The following RIC1 variants were observed in gnomAD, a reference collection of about 807,000 sequenced individuals.
RIC1 encodes the protein RIC1 partner of RAB6A GEF complex, also known as guanine nucleotide exchange factor subunit RIC1.
Under a neutral mutation model 169.0 loss-of-function variants are expected in RIC1, and 88 were observed. That is an observed-to-expected ratio of 0.52 (90% CI 0.44 to 0.62). The LOEUF is 0.62. Ranked by LOEUF, RIC1 falls within the 20% of genes least tolerant of loss-of-function variation. The pLI, the probability that RIC1 is intolerant of heterozygous loss-of-function variation, is 0.00. For missense variants in RIC1, 1,877 were observed against 1,725.5 expected, an observed-to-expected ratio of 1.09 and a Z score of -1.56; for synonymous variants, 790 against 601.5, an observed-to-expected ratio of 1.31 and a Z score of -4.59.
intron 2 of RIC1, among the ~76,000 whole-genome samples, chr9:5,664,885 C>G (rs1408163428): frequency 6.6e-6 from 1 of 152,156 alleles, no homozygotes; most frequent in Non-Finnish European, 1.5e-5. Context: ...ATTCTTTTCT[C>G]CACTTGGTCT....
intron 6 of RIC1, among the ~76,000 whole-genome samples, chr9:5,722,205 C>CT (rs77698349): frequency 7.9e-4 from 99 of 124,758 alleles, no homozygotes; most frequent in Middle Eastern, 4.6e-3. Flanking sequence ...TCTTCTTCTT[C>CT]TTTTTTTTTT....
chr9:5,743,419 C>G (rs1485035294), intron 9 of RIC1, among the ~76,000 whole-genome samples: 1 of 152,150 alleles, frequency 6.6e-6, no homozygotes, highest in African/African-American at 2.4e-5. Context: ...CTGCCCACTT[C>G]ATATACTACC....
intron 1 of RIC1, among the ~76,000 whole-genome samples, chr9:5,632,919 C>T (rs773522763): frequency 1.3e-5 from 2 of 152,252 alleles, no homozygotes; most frequent in South Asian, 2.1e-4. Flanking sequence ...TTTCAGGTCA[C>T]CGACTTTAAA....
In RIC1 at chr9:5,720,314, G is replaced by C. The variant is rs749389851; in HGVS notation, c.573G>C (p.Gln191His). Residue 191 changes from glutamine to histidine, a missense_variant, in exon 5 of 26, where the codon CAG (glutamine) becomes CAC (histidine). Gln to His is a conservative substitution (Grantham distance 24, BLOSUM62 0). Transcript: ENST00000414202. ...LCTVPFSVDL[Q>H]SSRVGSFLGF... Reference sequence around the variant, plus strand: ...CAGTACCCTTTTCAGTAGACCTGCAGTCATCTAGAGGTAGCTATACTTTCT... The same window carrying C: ...CAGTACCCTTTTCAGTAGACCTGCACTCATCTAGAGGTAGCTATACTTTCT... The C allele has an allele frequency of 1.5e-5, 24 of 1,612,502 alleles. No homozygotes were observed. The African/African-American group carries it at 2.8e-4, about 19-fold the overall frequency.
Position 5,774,136 on chromosome 9 carries a change from C to T in RIC1, c.4162C>T (p.Gln1388Ter). 1 of 1,614,034 alleles carries T rather than the reference C, an allele frequency of 6.2e-7. No individual in the cohort carries two copies. The highest frequency in any genetic ancestry group is 8.5e-7 in the Non-Finnish European group (1 of 1,179,978). ...RGSSSHGSIP[Q>*]GEVGSSNMVS... ...CTCCTCCAGCCATGGAAGCATCCCC[C>T]AGGGTGAAGTTGGAAGCAGCAATAT... The change falls in exon 26 of 26, where the codon CAG (glutamine) becomes TAG (stop). Residue 1388 changes from glutamine to a stop codon, truncating the protein, a stop_gained. Coordinates refer to ENST00000414202, the MANE Select transcript of RIC1 (RefSeq NM_020829.4). LOFTEE classifies it high-confidence loss of function.
chr9:5,677,714 A>G (rs1820536165), intron 2 of RIC1, among the ~76,000 whole-genome samples: 1 of 152,098 alleles, frequency 6.6e-6, no homozygotes, highest in African/African-American at 2.4e-5. Context: ...TAAACATTAA[A>G]ACACAGGAAA....
intron 5 of RIC1, 108 bp downstream of exon 5, chr9:5,720,432 A>AC: frequency 8.1e-7 from 1 of 1,231,968 alleles, no homozygotes; most frequent in Non-Finnish European, 1.1e-6. Flanking sequence ...GCAAGGGGAG[A>AC]GGTGGGCAGA....
At chr9:5,650,358 C>T (rs142021124) in intron 1 of RIC1, among the ~76,000 whole-genome samples, 2,050 of 152,112 alleles carry the variant, frequency 0.013, 56 homozygotes, top group African/African-American at 0.047. Flanking sequence ...TCTCTATGCT[C>T]CAATCTCTAT....
intron 12 of RIC1, among the ~76,000 whole-genome samples, chr9:5,750,712 T>A (rs904037283): frequency 6.6e-6 from 1 of 151,840 alleles, no homozygotes; most frequent in Admixed American, 6.5e-5. Flanking sequence ...AGCACTCAGT[T>A]TTCCAGTGAT....
rs1368282232 is a variant in RIC1, at chr9:5,765,452, C to T, written c.2880C>T (p.Thr960=). 3 of 1,613,866 alleles carry T rather than the reference C, an allele frequency of 1.9e-6. No individual in the cohort carries two copies. The highest frequency in any genetic ancestry group is 1.7e-6 in the Non-Finnish European group (2 of 1,179,936). ...EVPAVSRQHA[T]LLFNTALEQG... ...CTGCAGTAAGTAGGCAACATGCTAC[C>T]CTTCTATTCAACACAGCACTAGAAC... The change falls in exon 20 of 26, where the codon ACC becomes ACT. Residue 960 remains threonine, a synonymous_variant. Transcript: ENST00000414202.
intron 1 of RIC1, among the ~76,000 whole-genome samples, chr9:5,635,246 C>T (rs1397958924): frequency 6.6e-6 from 1 of 152,166 alleles, no homozygotes; most frequent in African/African-American, 2.4e-5. Context: ...TCCTAAAGTG[C>T]TAGGATTACA....
At chr9:5,748,663 C>T (rs1349200426) in intron 12 of RIC1, 1 of 152,584 alleles carries the variant, frequency 6.6e-6, no homozygotes, top group Non-Finnish European at 1.5e-5. Flanking sequence ...CCAGTTCTGC[C>T]TAGCCAGGTC....
At chr9:5,629,694 C>G (rs1817624046) in intron 1 of RIC1, among the ~76,000 whole-genome samples, 1 of 151,976 alleles carries the variant, frequency 6.6e-6, no homozygotes, top group Non-Finnish European at 1.5e-5. Context: ...TGAGCCTCCC[C>G]GCGTTGGACC....
At chr9:5,727,732 C>T (rs894938858) in intron 6 of RIC1, among the ~76,000 whole-genome samples, 4 of 152,166 alleles carry the variant, frequency 2.6e-5, no homozygotes, top group African/African-American at 9.7e-5. Flanking sequence ...GTGTGGATGT[C>T]CTTTCTGTTT....
chr9:5,767,751 C>G (rs1826891327), intron 21 of RIC1, among the ~76,000 whole-genome samples: 1 of 152,090 alleles, frequency 6.6e-6, no homozygotes, highest in Non-Finnish European at 1.5e-5. Context: ...CCACGCCTGG[C>G]TCATTTTGTA....
intron 2 of RIC1, among the ~76,000 whole-genome samples, chr9:5,687,714 C>G (rs998623411): frequency 6.6e-6 from 1 of 151,988 alleles, no homozygotes; most frequent in Non-Finnish European, 1.5e-5. Context: ...CGGTATAAAC[C>G]CCAGCATACA....
intron 1 of RIC1, 121 bp downstream of exon 1, chr9:5,629,574 CG>C: frequency 9.1e-7 from 1 of 1,093,354 alleles, no homozygotes; most frequent in East Asian, 3.2e-5. Flanking sequence ...CACCTGCCTT[CG>C]CAGTCCGCGT....
At position 5,768,956 on chromosome 9, in the gene RIC1, G is replaced by C. The variant is rs1376663693; in HGVS notation, c.3138-14G>C. On this transcript the variant is annotated splice_polypyrimidine_tract_variant and intron_variant, in intron 21 of 25. Coordinates refer to ENST00000414202, the MANE Select transcript of RIC1 (RefSeq NM_020829.4). Reference sequence around the variant, plus strand: ...AAAGATTATTCTGTAGCTTTCTTGTGTTTCCACTTACAGATGGAGCAAAGA... The same window carrying C: ...AAAGATTATTCTGTAGCTTTCTTGTCTTTCCACTTACAGATGGAGCAAAGA... 3.8e-6 allele frequency: 6 copies of C among 1,591,724 alleles called. No individual in the cohort carries two copies. Among genetic ancestry groups the C allele is most frequent in the South Asian group, 2.3e-5 (2 of 87,698 alleles).
At chr9:5,633,836 G>C (rs1474816763) in intron 1 of RIC1, among the ~76,000 whole-genome samples, 1 of 152,058 alleles carries the variant, frequency 6.6e-6, no homozygotes, top group Non-Finnish European at 1.5e-5. Context: ...CCATGCATTA[G>C]GTCCCCAGAA....
Sources: gnomAD v4.1 joint callset for allele counts (sites outside exome capture counted in the v4.1 genomes callset) on GRCh38, gnomAD v4.1.1 for gene constraint, MANE v1.5 for transcripts, NCBI Gene and HGNC (gene_info 2026-07-23, HGNC 2026-07-21) for gene names.